KCNH4: variants seen among roughly 807,000 people sequenced by gnomAD.
KCNH4 encodes potassium voltage-gated channel subfamily H member 4, also known as voltage-gated delayed rectifier potassium channel KCNH4.
KCNH4 carries 33 observed loss-of-function variants against 90.7 expected under a neutral mutation model. The observed-to-expected ratio is 0.36, with a 90% CI of 0.28 to 0.49. KCNH4 has a LOEUF of 0.49. Among genes scored for constraint, KCNH4 ranks in the 20% least tolerant of loss-of-function variants. The pLI is 0.98. For missense variants in KCNH4, 1,044 were observed against 1,387.1 expected, an observed-to-expected ratio of 0.75 and a Z score of 3.93; for synonymous variants, 551 against 581.7, an observed-to-expected ratio of 0.95 and a Z score of 0.76.
intron 4 of KCNH4, among the ~76,000 whole-genome samples, chr17:42,176,739 T>C (rs1209740542): frequency 1.3e-5 from 2 of 151,860 alleles, no homozygotes; most frequent in Admixed American, 6.6e-5. Context: ...GCCAGGCTGG[T>C]CTTGAACTCC....
Position 42,163,708 on chromosome 17 carries a change from C to T in KCNH4, c.2375G>A (p.Ser792Asn), listed in dbSNP as rs2144122173. 6.6e-7 allele frequency: 1 copy of T among 1,520,548 alleles called. No individual in the cohort carries two copies. 94.2% of individuals were successfully genotyped at this position (1,520,548 alleles called of 1,614,324 possible). The change falls in exon 13 of 17, where the codon AGT (serine) becomes AAT (asparagine). Residue 792 changes from serine (S) to asparagine (N), a missense_variant. Ser to Asn is a conservative substitution (Grantham distance 46). Around this residue, in one of 4 missense-constraint regions of KCNH4, gnomAD observed 441 missense variants for 512.3 expected, o/e 0.86. Transcript: ENST00000264661. The surrounding 1 kb of genome is among the most constrained non-coding windows in gnomAD (Gnocchi z 5.4). ...CCTGGGGGGGCCGTGAGGGGAGGCA[C>T]TGTGGCCCTGGCCAGCCAGGGCAGG... ...LSPALAGQGH[S>N]ASPHGPPRCS...
At chr17:42,160,578 C>T (rs1250906274) in intron 15 of KCNH4, 143 bp from the exon 16 acceptor site, 4 of 848,718 alleles carry the variant, frequency 4.7e-6, no homozygotes, top group Non-Finnish European at 7.0e-6. Flanking sequence ...TTATTTTTGC[C>T]TAGATGGAAA....
intron 9 of KCNH4, among the ~76,000 whole-genome samples, chr17:42,167,072 C>A: frequency 6.6e-6 from 1 of 152,086 alleles, no homozygotes; most frequent in South Asian, 2.1e-4. Context: ...TCCCCTTGGT[C>A]CCCCTGGGCT....
Position 42,163,646 on chromosome 17 carries a change from G to T in KCNH4, c.2437C>A (p.Pro813Thr). ...AAWKPPQLLI[P>T]PLGTFGPPDL... The stretch of plus-strand genomic sequence containing the variant: ...GGAGGTCCAAAGGTTCCCAGTGGGG[G>T]AATGAGAAGCTGAGGGGGCTTCCAG... The change falls in exon 13 of 17, where the codon CCC becomes ACC. Residue 813 changes from proline (P) to threonine (T), a missense_variant. Transcript: ENST00000264661. The surrounding 1 kb of genome is among the most constrained non-coding windows in gnomAD (Gnocchi z 5.4). The T allele has an allele frequency of 2.0e-6, 3 of 1,502,024 alleles. No homozygotes were observed. Among genetic ancestry groups the T allele is most frequent in the Non-Finnish European group, 2.7e-6 (3 of 1,122,630 alleles). The allele number at this position is 1,502,024 out of a possible 1,614,324, so 93.0% of individuals were successfully genotyped here.
chr17:42,160,148 G>T lies in KCNH4; in HGVS notation c.2946C>A (p.Tyr982Ter). ...LDLRPSILPP[Y>*]PSEPDPLGPS... Reference sequence around the variant, plus strand: ...GTCCCAGAGGGTCAGGCTCTGAGGGGTAGGGGGGCAATATGGAAGGTCTCA... The same window carrying T: ...GTCCCAGAGGGTCAGGCTCTGAGGGTTAGGGGGGCAATATGGAAGGTCTCA... Residue 982 changes from tyrosine to a stop codon, truncating the protein, a stop_gained, in exon 16 of 17, where the codon TAC becomes TAA. Coordinates refer to ENST00000264661, the MANE Select transcript of KCNH4 (RefSeq NM_012285.3). LOFTEE classifies it low-confidence loss of function (END_TRUNC). 1 of 1,611,928 alleles carries T rather than the reference G, an allele frequency of 6.2e-7. No individual in the cohort carries two copies. The highest frequency in any genetic ancestry group is 8.5e-7 in the Non-Finnish European group (1 of 1,178,704).
chr17:42,161,374 G>A (rs1017406934), intron 15 of KCNH4, among the ~76,000 whole-genome samples: 12 of 152,190 alleles, frequency 7.9e-5, no homozygotes, highest in African/African-American at 2.9e-4. Context: ...CCCAGGCACC[G>A]CCCCTCTGGG....
rs1373937528 is a variant in KCNH4 at position 42,165,639 on chromosome 17, A to T, written c.1895T>A (p.Leu632Ter). 1 of 1,614,048 alleles carries T rather than the reference A, an allele frequency of 6.2e-7. No homozygotes were observed. Among genetic ancestry groups the T allele is most frequent in the African/African-American group, 1.3e-5 (1 of 74,924 alleles). The part of the protein sequence containing the change: ...DIPEPGQEPG[L>*]GADPNFVLKT... Reference sequence around the variant, plus strand: ...TAGCACGAAGTTTGGGTCTGCTCCCAACCCAGGCTCCTGCCCCGGCTCAGG... The same window carrying T: ...TAGCACGAAGTTTGGGTCTGCTCCCTACCCAGGCTCCTGCCCCGGCTCAGG... The change falls in exon 11 of 17, where the codon TTG becomes TAG. Residue 632 changes from leucine (L) to a stop codon, truncating the protein, a stop_gained. Transcript: ENST00000264661. LOFTEE classifies it high-confidence loss of function.
Position 42,170,284 on chromosome 17 carries a change from C to G in KCNH4, c.1213G>C (p.Gly405Arg). ...ACATAGGGCACCTCCAGACGCTTGC[C>G]CAACTCATGCAACCAGCCTGCAGGG... ...LWDIGWLHEL[G>R]KRLEVPYVNG... The change falls in exon 8 of 17, where the codon GGC (glycine) becomes CGC (arginine). Residue 405 changes from glycine (G) to arginine (R), a missense_variant. This residue lies in a region of KCNH4 where 318 missense variants were observed against 479.6 expected (regional missense o/e 0.66). Transcript: ENST00000264661. The G allele has an allele frequency of 6.3e-7, 1 of 1,596,196 alleles. No homozygotes were observed. Among genetic ancestry groups the G allele is most frequent in the Non-Finnish European group, 8.5e-7 (1 of 1,176,548 alleles).
At chr17:42,179,287 C>T (rs929320851) in intron 1 of KCNH4, among the ~76,000 whole-genome samples, 1 of 152,180 alleles carries the variant, frequency 6.6e-6, no homozygotes, top group Non-Finnish European at 1.5e-5. Context: ...GCCATCCATC[C>T]CCCTGCCTTC....
chr17:42,161,673 T>C (rs531963241), intron 15 of KCNH4, among the ~76,000 whole-genome samples: 30 of 152,064 alleles, frequency 2.0e-4, no homozygotes, highest in Admixed American at 1.2e-3. Flanking sequence ...CCTACAGTGG[T>C]GGAGGGAGAA....
At chr17:42,169,970 C>T (rs542059207) in intron 8 of KCNH4, 137 bp downstream of exon 8, 15 of 945,928 alleles carry the variant, frequency 1.6e-5, no homozygotes, top group East Asian at 1.6e-4. Context: ...ACTCAGGAAA[C>T]GTCCGTGAAT....
chr17:42,178,475 A>G lies in KCNH4; in HGVS notation c.313T>C (p.Ser105Pro). The G allele has an allele frequency of 1.9e-6, 3 of 1,614,162 alleles. No individual in the cohort carries two copies. The South Asian group carries it at 3.3e-5, about 18-fold the overall frequency. ...AEICFYRKDGSAFWCLLDMMP... is the reference protein window; with the variant it reads ...AEICFYRKDGPAFWCLLDMMP... ...ATGTCCAGGAGGCACCAAAAGGCTG[A>G]GCCTGTAGGCATGGAGAGAGGGAAG... is the stretch of plus-strand genomic sequence containing the variant. Residue 105 changes from serine to proline, a missense_variant and splice_region_variant, in exon 3 of 17, where the codon TCA becomes CCA. This residue lies in a region of KCNH4 where 283 missense variants were observed against 378.6 expected (regional missense o/e 0.75). Transcript: ENST00000264661.
At position 42,180,958 on chromosome 17, in the gene KCNH4, T is replaced by C; in HGVS notation, c.-13A>G. Reference sequence around the variant, plus strand: ...TCATGACCGGCATGGCCCCGGGGCGTGGGTTCAAGGCGCGGCGCTGGGGAG... The same window carrying C: ...TCATGACCGGCATGGCCCCGGGGCGCGGGTTCAAGGCGCGGCGCTGGGGAG... On this transcript the variant is annotated 5_prime_UTR_variant, in exon 1 of 17. Transcript: ENST00000264661. The surrounding 1 kb of genome is among the most constrained non-coding windows in gnomAD (Gnocchi z 4.7). 6.2e-7 allele frequency: 1 copy of C among 1,610,682 alleles called. No individual in the cohort carries two copies.
intron 7 of KCNH4, among the ~76,000 whole-genome samples, 166 bp from the exon 8 acceptor site, chr17:42,170,467 G>A (rs935288577): frequency 6.6e-6 from 1 of 152,246 alleles, no homozygotes; most frequent in African/African-American, 2.4e-5. Context: ...ATTGGTTACA[G>A]TTGCATTCCA....
At chr17:42,169,769 C>A in intron 8 of KCNH4, 93 bp from the exon 9 acceptor site, 3 of 1,349,518 alleles carry the variant, frequency 2.2e-6, no homozygotes, top group Non-Finnish European at 2.1e-6. Flanking sequence ...CAAGAGCCAG[C>A]GGGCTCCTGT....
In KCNH4 at chr17:42,169,460, G is replaced by A; in HGVS notation, c.1590+17C>T. On this transcript the variant is annotated intron_variant, in intron 9 of 16. Coordinates refer to ENST00000264661, the MANE Select transcript of KCNH4 (RefSeq NM_012285.3). ...CACGCGGAGGGCAAGGGCAAGATTG[G>A]AGACCCTGCAGGCTACCTCGTTGGC... 1.9e-6 allele frequency: 3 copies of A among 1,611,546 alleles called. No individual in the cohort carries two copies.
At position 42,178,795 on chromosome 17, in the gene KCNH4, T is replaced by A; in HGVS notation, c.308A>T (p.Asp103Val). ...HRAEICFYRK[D>V]GSAFWCLLDM... ...CAGGGTGGGGTGAGCCCCCTCACCA[T>A]CCTTGCGGTAGAAGCAGATTTCAGC... Residue 103 changes from aspartate to valine, a missense_variant and splice_region_variant, in exon 2 of 17, where the codon GAT (aspartate) becomes GTT (valine). Physicochemically the swap from Asp to Val is radical, Grantham distance 152. Coordinates refer to ENST00000264661, the MANE Select transcript of KCNH4 (RefSeq NM_012285.3). 1 of 1,612,468 alleles carries A rather than the reference T, an allele frequency of 6.2e-7. No homozygotes were observed. Among genetic ancestry groups the A allele is most frequent in the Non-Finnish European group, 8.5e-7 (1 of 1,179,426 alleles).
chr17:42,181,142 C>A lies in KCNH4; in HGVS notation c.-197G>T. ...CGGCTCGGCTCAGCGCCGTTTCGGT[C>A]CCCCCCACCTCCCCACGGGCCAGGT... On this transcript the variant is annotated 5_prime_UTR_variant, in exon 1 of 17. Transcript: ENST00000264661. 9.5e-6 allele frequency: 5 copies of A among 528,316 alleles called. No individual in the cohort carries two copies. The highest frequency in any genetic ancestry group is 7.1e-5 in the South Asian group (3 of 42,076). 32.7% of individuals were successfully genotyped at this position (528,316 alleles called of 1,614,324 possible).
At chr17:42,166,598 A>G (rs2079790114) in intron 9 of KCNH4, 52 bp from the exon 10 acceptor site, 1 of 1,569,698 alleles carries the variant, frequency 6.4e-7, no homozygotes, top group African/African-American at 1.3e-5. Flanking sequence ...CTACTACTTG[A>G]GTCTACAAAT....
Sources: gnomAD v4.1 joint callset for allele counts (sites outside exome capture counted in the v4.1 genomes callset) on GRCh38, gnomAD v4.1.1 for gene constraint, gnomAD v4.1.1 regional missense constraint, Gnocchi (gnomAD v3.1) non-coding constraint, MANE v1.5 for transcripts, NCBI Gene and HGNC (gene_info 2026-07-23, HGNC 2026-07-21) for gene names.